Variants in NECTIN1 observed in about 807,000 individuals in gnomAD.
NECTIN1 encodes the protein nectin cell adhesion molecule 1.
A neutral mutation model predicts 48.0 loss-of-function variants in NECTIN1; 23 were observed. That is an observed-to-expected ratio of 0.48 (90% CI 0.34 to 0.68). The LOEUF (loss-of-function observed/expected upper bound fraction) is 0.68. Ranked by LOEUF, NECTIN1 falls within the 30% of genes least tolerant of loss-of-function variation. NECTIN1 has a pLI of 0.01. For missense variants in NECTIN1, 591 were observed against 709.9 expected (o/e 0.83, Z 1.90); for synonymous variants, 270 against 288.9 (o/e 0.93, Z 0.66).
chr11:119,693,460 C>T (rs1416083774), intron 1 of NECTIN1, among the ~76,000 whole-genome samples: 6 of 152,268 alleles, frequency 3.9e-5, no homozygotes, highest in Non-Finnish European at 8.8e-5. Flanking sequence ...CCCTCAGCCT[C>T]GGGCCAAGAG....
chr11:119,650,821 A>G (rs1016661675), intron 5 of NECTIN1, among the ~76,000 whole-genome samples: 3 of 152,178 alleles, frequency 2.0e-5, no homozygotes, highest in Non-Finnish European at 4.4e-5. Context: ...ATTCAATGTT[A>G]TAAAGTATGT....
chr11:119,712,738 C>A (rs1301510630), intron 1 of NECTIN1, among the ~76,000 whole-genome samples: 1 of 152,164 alleles, frequency 6.6e-6, no homozygotes, highest in Non-Finnish European at 1.5e-5. Flanking sequence ...CGGAAGCATC[C>A]CGGAGTTAGA....
At position 119,672,748 on chromosome 11, in the gene NECTIN1, C is replaced by T. The variant is rs539137217; in HGVS notation, c.1003+2411G>A. Among the ~76,000 whole-genome samples the T allele has an allele frequency of 2.6e-3, 400 of 152,292 alleles. 4 individuals carry two copies. Among genetic ancestry groups the T allele is most frequent in the African/African-American group, 9.3e-3 (385 of 41,566 alleles). On this transcript the variant is annotated intron_variant, in intron 5 of 5. Coordinates refer to ENST00000264025, the MANE Select transcript of NECTIN1 (RefSeq NM_002855.5). The surrounding 1 kb of genome is among the most constrained non-coding windows in gnomAD (Gnocchi z 4.3). The stretch of plus-strand genomic sequence containing the variant: ...TGCCCACTCTGCTCCAGCCATTTTC[C>T]TTCCCATGCTTCCCTGGCCTGGGCA...
At chr11:119,660,938 C>T (rs937462881), downstream of NECTIN1, 17 of 893,962 alleles carry the variant, frequency 1.9e-5, no homozygotes, top group Admixed American at 1.9e-4. Flanking sequence ...TCCAGCTCCA[C>T]GCCTTCCCCG....
chr11:119,686,098 T>C (rs908607718), intron 1 of NECTIN1, among the ~76,000 whole-genome samples: 2 of 152,184 alleles, frequency 1.3e-5, no homozygotes, highest in African/African-American at 4.8e-5. Context: ...ATGGCAAAGC[T>C]GGAGCACACA....
In NECTIN1 at chr11:119,662,266, T is replaced by C. The variant is rs3751021; in HGVS notation, c.*2481A>G. 2,102 of 985,612 alleles carry C rather than the reference T, an allele frequency of 2.1e-3. 34 individuals are homozygous for C. In the East Asian group the frequency reaches 0.055, roughly 26 times the overall value. The allele number at this position is 985,612 out of a possible 1,614,324, so 61.1% of individuals were successfully genotyped here. A position where few individuals can be genotyped will look rare whatever the true frequency, so the allele number is the denominator to read the frequency against. On this transcript the variant is annotated 3_prime_UTR_variant, in exon 6 of 6. Coordinates refer to ENST00000264025, the MANE Select transcript of NECTIN1 (RefSeq NM_002855.5). The surrounding 1 kb of genome is among the most constrained non-coding windows in gnomAD (Gnocchi z 5.3). ...CTGGCTGTGTCTGTGGGCCCAGCAG[T>C]AGTGCCCACCTTCCCACAAACTTGG...
chr11:119,643,810 C>T (rs1864358538), intron 5 of NECTIN1, among the ~76,000 whole-genome samples: 1 of 152,244 alleles, frequency 6.6e-6, no homozygotes, highest in African/African-American at 2.4e-5. Context: ...GCCGGGAGAG[C>T]TGGAATCAGT....
Position 119,683,247 on chromosome 11 carries a change from A to G in NECTIN1, c.80-4482T>C, listed in dbSNP as rs1865091364. ...AGATGTGGGAACTGGGACCACTAAA[A>G]TGGTAGCATATTGGAGCTTGATGGA... On this transcript the variant is annotated intron_variant, in intron 1 of 5. Transcript: ENST00000264025. This position sits in a 1 kb window ranked among gnomAD's most constrained non-coding sequence, Gnocchi z 4.0. 6.6e-6 allele frequency among the ~76,000 whole-genome samples: 1 copy of G among 152,166 alleles called. No homozygotes were observed. Among genetic ancestry groups the G allele is most frequent in the Non-Finnish European group, 1.5e-5 (1 of 68,026 alleles).
chr11:119,708,487 C>G (rs1001065667), intron 1 of NECTIN1, among the ~76,000 whole-genome samples: 5 of 151,974 alleles, frequency 3.3e-5, no homozygotes, highest in Admixed American at 2.6e-4. Flanking sequence ...GAAAGAGGCA[C>G]ATGGAATGCT....
chr11:119,642,138 G>C (rs998953049), intron 5 of NECTIN1: 2 of 150,722 alleles, frequency 1.3e-5, no homozygotes, highest in Admixed American at 1.3e-4. Flanking sequence ...AATGAATGAA[G>C]GCTTGCCTGA....
chr11:119,652,471 T>C (rs7103685), intron 5 of NECTIN1, among the ~76,000 whole-genome samples: 46,822 of 151,954 alleles, frequency 0.31, 7,902 homozygotes, highest in African/African-American at 0.45. Flanking sequence ...AGATACACAC[T>C]AACCCTTCCT....
rs1864897534 is a variant in NECTIN1 at position 119,673,706 on chromosome 11, A to G, written c.1003+1453T>C. On this transcript the variant is annotated intron_variant, in intron 5 of 5. Transcript: ENST00000264025. This position sits in a 1 kb window ranked among gnomAD's most constrained non-coding sequence, Gnocchi z 5.8. ...TCCCTATGGCCACTCCACATGGAAC[A>G]CAGGCCCTGCCCTTCCCACCTCCCC... 1.3e-5 allele frequency among the ~76,000 whole-genome samples: 2 copies of G among 152,184 alleles called. No individual in the cohort carries two copies. The highest frequency in any genetic ancestry group is 1.3e-4 in the Admixed American group (2 of 15,288).
intron 1 of NECTIN1, among the ~76,000 whole-genome samples, chr11:119,689,020 C>A (rs906568577): frequency 1.3e-5 from 2 of 151,996 alleles, no homozygotes; most frequent in African/African-American, 2.4e-5. Flanking sequence ...AAGGTAGGGG[C>A]TGCGCTAGGT....
intron 5 of NECTIN1, among the ~76,000 whole-genome samples, chr11:119,655,744 G>A (rs987856281): frequency 3.9e-5 from 6 of 152,174 alleles, no homozygotes; most frequent in Admixed American, 3.3e-4. Context: ...GCGTAGGGGA[G>A]GGAAATTTTG....
chr11:119,715,571 G>T (rs1865730322), intron 1 of NECTIN1, among the ~76,000 whole-genome samples: 1 of 152,060 alleles, frequency 6.6e-6, no homozygotes. Context: ...GGCCAGGCTG[G>T]TCTCGAACTC....
At chr11:119,724,062 G>A (rs964839635) in intron 1 of NECTIN1, among the ~76,000 whole-genome samples, 2 of 152,210 alleles carry the variant, frequency 1.3e-5, no homozygotes, top group Non-Finnish European at 2.9e-5. Flanking sequence ...GCACACGTAT[G>A]TTGTCCACCT....
At chr11:119,656,423 AG>A (rs1290258376), downstream of NECTIN1, 1 of 152,240 alleles carries the variant, frequency 6.6e-6, no homozygotes, top group Non-Finnish European at 1.5e-5. Context: ...AAAAAGAAAA[AG>A]ACAAGATCCC....
intron 1 of NECTIN1, among the ~76,000 whole-genome samples, chr11:119,701,806 G>C (rs1287332982): frequency 6.6e-6 from 1 of 152,186 alleles, no homozygotes; most frequent in East Asian, 1.9e-4. Flanking sequence ...AAAGGTGGTG[G>C]GGGGTGGTCA....
chr11:119,701,269 C>A (rs973819160), intron 1 of NECTIN1, among the ~76,000 whole-genome samples: 11 of 152,134 alleles, frequency 7.2e-5, no homozygotes, highest in Non-Finnish European at 1.0e-4. Context: ...GAACTCAGAA[C>A]CTTCCAGAGC....
Sources: gnomAD v4.1 joint callset for allele counts (sites outside exome capture counted in the v4.1 genomes callset) on GRCh38, gnomAD v4.1.1 for gene constraint, Gnocchi (gnomAD v3.1) non-coding constraint, MANE v1.5 for transcripts, NCBI Gene and HGNC (gene_info 2026-07-23, HGNC 2026-07-21) for gene names.